GRM8: variants seen among roughly 807,000 people sequenced by gnomAD.
GRM8 encodes metabotropic glutamate receptor 8.
In GRM8, 47 loss-of-function variants were observed where a neutral mutation model predicts 87.2. That is an observed-to-expected ratio of 0.54 (90% CI 0.43 to 0.69). The LOEUF is 0.69. Ranked by LOEUF, GRM8 falls within the 30% of genes least tolerant of loss-of-function variation. The probability of loss-of-function intolerance (pLI) is 0.00; values close to 1 mark genes in which losing one functional copy is unlikely to be tolerated. For missense variants in GRM8, 1,019 were observed against 1,139.2 expected, an observed-to-expected ratio of 0.89 and a Z score of 1.52; for synonymous variants, 396 against 404.5, an observed-to-expected ratio of 0.98 and a Z score of 0.25.
At chr7:126,968,899 G>A (rs1810134266) in intron 3 of GRM8, among the ~76,000 whole-genome samples, 1 of 152,092 alleles carries the variant, frequency 6.6e-6, no homozygotes, top group Admixed American at 6.6e-5. Flanking sequence ...AATGTATACA[G>A]GCATAGCTCA....
At chr7:126,713,722 G>C (rs781018669) in intron 7 of GRM8, among the ~76,000 whole-genome samples, 1 of 151,770 alleles carries the variant, frequency 6.6e-6, no homozygotes, top group Non-Finnish European at 1.5e-5. Flanking sequence ...AAAATGAGTA[G>C]GTGTTAGTCA....
chr7:127,067,350 A>T (rs967542855), intron 3 of GRM8, among the ~76,000 whole-genome samples: 1 of 152,224 alleles, frequency 6.6e-6, no homozygotes, highest in African/African-American at 2.4e-5. Flanking sequence ...TGGTAGTAAC[A>T]GGTGCCGTAT....
intron 7 of GRM8, among the ~76,000 whole-genome samples, chr7:126,720,193 G>A (rs1387972558): frequency 1.3e-5 from 2 of 148,994 alleles, no homozygotes; most frequent in African/African-American, 2.5e-5. Context: ...CTGTCACCCA[G>A]ACCGGAGTAC....
intron 3 of GRM8, among the ~76,000 whole-genome samples, chr7:126,955,569 CT>C (rs1216633656): frequency 6.6e-6 from 1 of 152,140 alleles, no homozygotes; most frequent in Non-Finnish European, 1.5e-5. Flanking sequence ...GATTTATTGT[CT>C]TTATAGCTAG....
chr7:126,459,572 T>C (rs1803662165), intron 9 of GRM8, among the ~76,000 whole-genome samples: 1 of 151,706 alleles, frequency 6.6e-6, no homozygotes, highest in African/African-American at 2.4e-5. Flanking sequence ...ATTTTTCTGA[T>C]GTTTAATCTC....
At chr7:126,657,429 A>T (rs1318790900) in intron 7 of GRM8, among the ~76,000 whole-genome samples, 2 of 152,132 alleles carry the variant, frequency 1.3e-5, no homozygotes, top group Non-Finnish European at 2.9e-5. Flanking sequence ...CCCCCCAAAA[A>T]AGTCACATAC....
chr7:126,563,288 G>T (rs1793898554), intron 8 of GRM8, among the ~76,000 whole-genome samples: 1 of 134,082 alleles, frequency 7.5e-6, no homozygotes, highest in South Asian at 2.6e-4. Flanking sequence ...TTGCCCTGTG[G>T]TTTTTTTTTA....
chr7:127,103,143 T>C (rs1825477828), intron 3 of GRM8, among the ~76,000 whole-genome samples: 1 of 152,222 alleles, frequency 6.6e-6, no homozygotes, highest in Non-Finnish European at 1.5e-5. Context: ...ACACCAAGTC[T>C]GGACTTTTGA....
At chr7:126,598,708 C>T (rs907662856) in intron 8 of GRM8, among the ~76,000 whole-genome samples, 6 of 152,032 alleles carry the variant, frequency 3.9e-5, no homozygotes, top group East Asian at 1.9e-4. Flanking sequence ...ACTTAGCTCA[C>T]GGACTACCTC....
intron 2 of GRM8, among the ~76,000 whole-genome samples, chr7:127,216,362 C>T (rs569097158): frequency 6.6e-6 from 1 of 150,980 alleles, no homozygotes; most frequent in African/African-American, 2.4e-5. Flanking sequence ...ACGAAAAATA[C>T]AAAAAATTAG....
chr7:126,762,110 C>G (rs750997814), intron 7 of GRM8, among the ~76,000 whole-genome samples: 3 of 151,936 alleles, frequency 2.0e-5, no homozygotes, highest in Non-Finnish European at 2.9e-5. Flanking sequence ...TTAAAAGACA[C>G]AGCACTCTTG....
intron 3 of GRM8, among the ~76,000 whole-genome samples, chr7:126,925,738 T>A (rs563164218): frequency 2.6e-5 from 4 of 152,184 alleles, no homozygotes; most frequent in Non-Finnish European, 5.9e-5. Flanking sequence ...GTGGTTTAAG[T>A]CTTGGCACAC....
chr7:126,998,710 G>T (rs1263586029), intron 3 of GRM8, among the ~76,000 whole-genome samples: 2 of 151,156 alleles, frequency 1.3e-5, no homozygotes, highest in Non-Finnish European at 3.0e-5. Flanking sequence ...TTAAAGAACT[G>T]AAAAAAACTC....
intron 3 of GRM8, among the ~76,000 whole-genome samples, chr7:126,966,920 C>A (rs1028274156): frequency 6.6e-6 from 1 of 152,158 alleles, no homozygotes; most frequent in Non-Finnish European, 1.5e-5. Flanking sequence ...GAAGGTGAAG[C>A]ACCCATTGTT....
chr7:126,443,975 C>T (rs1801733941), intron 10 of GRM8, among the ~76,000 whole-genome samples: 1 of 151,770 alleles, frequency 6.6e-6, no homozygotes. Context: ...TTCTCCACCA[C>T]TTTCCAAAGG....
intron 6 of GRM8, among the ~76,000 whole-genome samples, chr7:126,862,363 A>AT (rs1798208985): frequency 1.3e-5 from 2 of 151,904 alleles, no homozygotes; most frequent in African/African-American, 4.8e-5. Flanking sequence ...TGCTACTTTG[A>AT]TTTTTTTGAA....
At chr7:126,509,251 G>A (rs1372616706) in intron 9 of GRM8, among the ~76,000 whole-genome samples, 1 of 152,064 alleles carries the variant, frequency 6.6e-6, no homozygotes, top group Non-Finnish European at 1.5e-5. Flanking sequence ...ATTGCTGCAA[G>A]AGAATGGTTG....
intron 9 of GRM8, among the ~76,000 whole-genome samples, chr7:126,489,089 C>A (rs1807702113): frequency 6.6e-6 from 1 of 151,880 alleles, no homozygotes. Context: ...AATAGAAGAT[C>A]TAAATTTAAC....
intron 9 of GRM8, among the ~76,000 whole-genome samples, chr7:126,485,529 T>C (rs542224542): frequency 1.6e-4 from 25 of 152,104 alleles, no homozygotes; most frequent in South Asian, 8.3e-4. Flanking sequence ...AGGATCTTCA[T>C]AGGGGCCTTT....
Sources: gnomAD v4.1 joint callset for allele counts (sites outside exome capture counted in the v4.1 genomes callset) on GRCh38, gnomAD v4.1.1 for gene constraint, MANE v1.5 for transcripts, NCBI Gene and HGNC (gene_info 2026-07-23, HGNC 2026-07-21) for gene names.